Variants in CSMD2 observed in about 807,000 individuals in gnomAD.
CSMD2 encodes the protein CUB and Sushi multiple domains 2.
Under a neutral mutation model 398.5 loss-of-function variants are expected in CSMD2, and 130 were observed. The observed-to-expected ratio is 0.33, with a 90% CI of 0.28 to 0.38. CSMD2 has a LOEUF of 0.38. CSMD2 is among the 10% of genes least tolerant of loss of function. The pLI is 1.00. For synonymous variants in CSMD2, 1,828 were observed against 1,908.5 expected, an observed-to-expected ratio of 0.96 and a Z score of 1.10; for missense variants, 3,829 against 4,764.9, an observed-to-expected ratio of 0.80 and a Z score of 5.78.
intron 47 of CSMD2, among the ~76,000 whole-genome samples, chr1:33,583,364 G>C (rs904235403): frequency 6.6e-6 from 1 of 152,222 alleles, no homozygotes; most frequent in African/African-American, 2.4e-5. Context: ...AATACTGTTT[G>C]ACCCATTTAT....
rs1376047447 is a variant in CSMD2 at position 33,567,801 on chromosome 1, G to A, written c.8172C>T (p.Leu2724=). The change falls in exon 53 of 71, where the codon CTC becomes CTT. Residue 2724 remains leucine, a synonymous_variant. Coordinates refer to ENST00000373381, the MANE Select transcript of CSMD2 (RefSeq NM_001281956.2). ...GGGATGGGGAAGAGAGTACATCGAA[G>A]AGGAGCTTATAGAAAATGGAGTGGA... ...TKLHSIFYKL[L]FDVLSSPSLT... is the part of the protein sequence containing the mutation. 1 of 1,608,414 alleles carries A rather than the reference G, an allele frequency of 6.2e-7. No homozygotes were observed. The highest frequency in any genetic ancestry group is 1.1e-5 in the South Asian group (1 of 90,034).
At position 33,635,449 on chromosome 1, in the gene CSMD2, G is replaced by A. The variant is rs1557655887; in HGVS notation, c.4970-119C>T. On this transcript the variant is annotated intron_variant, in intron 30 of 70. Transcript: ENST00000373381. This position sits in a 1 kb window ranked among gnomAD's most constrained non-coding sequence, Gnocchi z 5.0. ...AGTAGGGCTGCCCTGAGGTGGGCAGGCCCTAGCTTGGAGAAGGCAAGTCCT... is the reference window on the plus strand; with the variant it reads ...AGTAGGGCTGCCCTGAGGTGGGCAGACCCTAGCTTGGAGAAGGCAAGTCCT... The A allele has an allele frequency of 4.9e-6, 3 of 615,394 alleles. No individual in the cohort carries two copies. Among genetic ancestry groups the A allele is most frequent in the Non-Finnish European group, 8.6e-6 (3 of 348,718 alleles). 38.1% of individuals were successfully genotyped at this position (615,394 alleles called of 1,614,324 possible). A position where few individuals can be genotyped will look rare whatever the true frequency, so the allele number is the denominator to read the frequency against.
chr1:34,121,975 G>C (rs1662233070), intron 1 of CSMD2, among the ~76,000 whole-genome samples: 2 of 149,168 alleles, frequency 1.3e-5, no homozygotes, highest in Admixed American at 1.4e-4. Flanking sequence ...CTCTCAGGCA[G>C]CTGGAAGGAA....
intron 6 of CSMD2, among the ~76,000 whole-genome samples, chr1:33,832,534 C>A (rs1201047205): frequency 6.7e-6 from 1 of 149,554 alleles, no homozygotes; most frequent in Non-Finnish European, 1.5e-5. Flanking sequence ...ACTAAATGCC[C>A]ACAAGAGAAA....
intron 55 of CSMD2, among the ~76,000 whole-genome samples, chr1:33,554,100 T>C (rs1367374690): frequency 1.3e-5 from 2 of 151,418 alleles, no homozygotes; most frequent in Admixed American, 6.6e-5. Context: ...GTGGAAGCTA[T>C]AGCAAGTTAT....
At chr1:33,803,571 T>C (rs185190985) in intron 10 of CSMD2, among the ~76,000 whole-genome samples, 24 of 152,200 alleles carry the variant, frequency 1.6e-4, no homozygotes, top group Admixed American at 1.5e-3. Context: ...TGGAACCACG[T>C]TGGTCACTTG....
intron 1 of CSMD2, among the ~76,000 whole-genome samples, chr1:34,116,578 G>A (rs1293119117): frequency 6.6e-6 from 1 of 151,938 alleles, no homozygotes; most frequent in African/African-American, 2.4e-5. Flanking sequence ...TTTCAATAAT[G>A]GATAATTAAT....
chr1:33,883,790 C>G (rs1641397933), intron 5 of CSMD2, among the ~76,000 whole-genome samples: 1 of 152,232 alleles, frequency 6.6e-6, no homozygotes, highest in African/African-American at 2.4e-5. Flanking sequence ...CTTTTGCCCA[C>G]TCTCAGATAG....
rs749518005 is a variant in CSMD2, at chr1:33,636,322, AG to A, written c.4969+37del. On this transcript the variant is annotated intron_variant, in intron 30 of 70. Coordinates refer to ENST00000373381, the MANE Select transcript of CSMD2 (RefSeq NM_001281956.2). The surrounding 1 kb of genome is among the most constrained non-coding windows in gnomAD (Gnocchi z 4.8). The stretch of plus-strand genomic sequence containing the variant: ...CACCCTCTGCCCCTGGCATGCCCTC[AG>A]TTCCTCAGACCCCTGCCATCCCCAG... 2.1e-5 allele frequency: 33 copies of A among 1,535,260 alleles called. No individual in the cohort carries two copies. The Admixed American group carries it at 3.1e-4, about 15-fold the overall frequency.
At chr1:33,783,128 G>A (rs374866862) in intron 12 of CSMD2, among the ~76,000 whole-genome samples, 9 of 152,226 alleles carry the variant, frequency 5.9e-5, no homozygotes, top group East Asian at 5.8e-4. Flanking sequence ...AGGAGGAGGC[G>A]GAGATGAGGC....
chr1:33,721,003 C>T (rs1426895072), intron 19 of CSMD2, among the ~76,000 whole-genome samples: 2 of 152,082 alleles, frequency 1.3e-5, no homozygotes, highest in African/African-American at 2.4e-5. Flanking sequence ...CCTGGCCTAG[C>T]GATTTTATAA....
chr1:33,889,177 A>G (rs1006088499), intron 5 of CSMD2, among the ~76,000 whole-genome samples: 3 of 152,244 alleles, frequency 2.0e-5, no homozygotes, highest in Non-Finnish European at 4.4e-5. Flanking sequence ...TTTTTACAAC[A>G]TATATTGATT....
At chr1:33,864,643 C>G in intron 5 of CSMD2, 2 of 1,613,902 alleles carry the variant, frequency 1.2e-6, no homozygotes, top group South Asian at 1.1e-5. Context: ...CTCCTGAGAG[C>G]TAAGTACTTC....
chr1:34,095,420 T>C (rs1293564792), intron 1 of CSMD2, among the ~76,000 whole-genome samples: 1 of 150,426 alleles, frequency 6.6e-6, no homozygotes, highest in Non-Finnish European at 1.5e-5. Flanking sequence ...AGAGCAGAAC[T>C]GAAGGAAATA....
Position 33,636,066 on chromosome 1 carries a change from C to A in CSMD2, c.4969+294G>T, listed in dbSNP as rs552452396. Among the ~76,000 whole-genome samples the A allele has an allele frequency of 1.7e-3, 266 of 152,260 alleles. No homozygotes were observed. The highest frequency in any genetic ancestry group is 3.4e-3 in the Middle Eastern group (1 of 294). Reference sequence around the variant, plus strand: ...CAGGAGCCACCTTTAAATGACTTCTCCCTGGTGTGAGCTCCCTGATGTGGC... The same window carrying A: ...CAGGAGCCACCTTTAAATGACTTCTACCTGGTGTGAGCTCCCTGATGTGGC... On this transcript the variant is annotated intron_variant, in intron 30 of 70. Coordinates refer to ENST00000373381, the MANE Select transcript of CSMD2 (RefSeq NM_001281956.2). The surrounding 1 kb of genome is among the most constrained non-coding windows in gnomAD (Gnocchi z 4.8).
At chr1:34,015,594 T>TA (rs1180633662) in intron 3 of CSMD2, among the ~76,000 whole-genome samples, 2 of 152,120 alleles carry the variant, frequency 1.3e-5, no homozygotes, top group African/African-American at 4.8e-5. Context: ...CAAAGGGCTG[T>TA]AGGGGTTCCA....
chr1:33,625,444 A>T (rs1199097214), intron 33 of CSMD2, among the ~76,000 whole-genome samples, 190 bp from the exon 34 acceptor site: 1 of 152,208 alleles, frequency 6.6e-6, no homozygotes, highest in Non-Finnish European at 1.5e-5. Flanking sequence ...TTGGACACAC[A>T]GCGCTACAGC....
At chr1:34,107,082 A>G (rs576648091) in intron 1 of CSMD2, among the ~76,000 whole-genome samples, 1 of 152,162 alleles carries the variant, frequency 6.6e-6, no homozygotes, top group South Asian at 2.1e-4. Context: ...AGAAAGGGCC[A>G]GGTATCTCTG....
chr1:33,989,351 G>C (rs1646473103), intron 3 of CSMD2, among the ~76,000 whole-genome samples: 1 of 151,938 alleles, frequency 6.6e-6, no homozygotes, highest in African/African-American at 2.4e-5. Flanking sequence ...GTTTCAGCAA[G>C]GGCATGTCCA....
Sources: gnomAD v4.1 joint callset for allele counts (sites outside exome capture counted in the v4.1 genomes callset) on GRCh38, gnomAD v4.1.1 for gene constraint, Gnocchi (gnomAD v3.1) non-coding constraint, MANE v1.5 for transcripts, NCBI Gene and HGNC (gene_info 2026-07-23, HGNC 2026-07-21) for gene names.